Variants in HYAL1 observed in about 807,000 individuals in gnomAD.
The protein encoded by HYAL1 is hyaluronidase 1.
A neutral mutation model predicts 28.8 loss-of-function variants in HYAL1; 21 were observed. The observed-to-expected ratio is 0.73, with a 90% confidence interval of 0.52 to 1.05. HYAL1 has a LOEUF of 1.05. Ranked by LOEUF, HYAL1 falls within the 50% of genes least tolerant of loss-of-function variation. HYAL1 has a pLI of 0.00. For synonymous variants in HYAL1, 200 were observed against 230.1 expected (o/e 0.87, Z 1.18); for missense variants, 491 against 579.2 (o/e 0.85, Z 1.56).
At chr3:50,311,597 C>A (rs1327460610) in intron 1 of HYAL1, among the ~76,000 whole-genome samples, 1 of 130,610 alleles carries the variant, frequency 7.7e-6, no homozygotes, top group Non-Finnish European at 1.6e-5. Context: ...CCCTCCCGGA[C>A]GGGGCGGCTG....
intron 2 of HYAL1, among the ~76,000 whole-genome samples, chr3:50,301,299 T>G (rs1447777347): frequency 6.6e-6 from 1 of 152,220 alleles, no homozygotes; most frequent in African/African-American, 2.4e-5. Context: ...GCACAGAACT[T>G]GGCACCAAGT....
Position 50,311,986 on chromosome 3 carries a change from A to G in HYAL1, c.-310+278T>C, listed in dbSNP as rs587718432. On this transcript the variant is annotated intron_variant, in intron 1 of 5. Transcript: ENST00000320295. ...GGGCGGCCGGGCAGAGGCGCCCCTCATCTCCCGGACGGGGCGGCTGGCCGG... is the reference window on the plus strand; with the variant it reads ...GGGCGGCCGGGCAGAGGCGCCCCTCGTCTCCCGGACGGGGCGGCTGGCCGG... Among the ~76,000 whole-genome samples the G allele has an allele frequency of 9.6e-3, 1,247 of 129,754 alleles. 14 individuals carry two copies. Among genetic ancestry groups the G allele is most frequent in the Non-Finnish European group, 0.015 (925 of 62,444 alleles). The allele number at this position is 129,754 out of a possible 152,430, so 85.1% of individuals were successfully genotyped here. A position where few individuals can be genotyped will look rare whatever the true frequency, so the allele number is the denominator to read the frequency against.
Position 50,302,359 on chromosome 3 carries a change from C to T in HYAL1, c.598G>A (p.Gly200Ser). The T allele has an allele frequency of 1.9e-6, 3 of 1,613,788 alleles. No individual in the cohort carries two copies. The highest frequency in any genetic ancestry group is 2.5e-6 in the Non-Finnish European group (3 of 1,179,996). The change falls in exon 2 of 4, where the codon GGC (glycine) becomes AGC (serine). Residue 200 changes from glycine (G) to serine (S), a missense_variant. Gly to Ser is a moderately conservative substitution (Grantham distance 56). Transcript: ENST00000395144. The surrounding 1 kb of genome is among the most constrained non-coding windows in gnomAD (Gnocchi z 5.0). ...TAGCAGTCAGGGAAGCCATAGAAGC[C>T]CCAGAGGCCGCGAGGACGCAGTGCC... ...GRALRPRGLW[G>S]FYGFPDCYNY...
upstream of HYAL1, among the ~76,000 whole-genome samples, chr3:50,304,492 T>C (rs1553713727): frequency 6.7e-6 from 1 of 149,868 alleles, no homozygotes; most frequent in Non-Finnish European, 1.5e-5. Context: ...TCCCAGCTAC[T>C]TGGGACACTG....
Position 50,302,107 on chromosome 3 carries a change from GC to G in HYAL1, c.849del (p.Leu284CysfsTer39). ...TCATAGAAGATCTGGACATAGGGCA[GC>G]ACCGGCAGATTGGGGTCACCAGCAG... ...AVAAGDPNLP[V>X]LPYVQIFYDT... On this transcript the variant is annotated frameshift_variant, in exon 2 of 4. Coordinates refer to ENST00000395144, the MANE Select transcript of HYAL1 (RefSeq NM_033159.4). LOFTEE classifies it high-confidence loss of function. The surrounding 1 kb of genome is among the most constrained non-coding windows in gnomAD (Gnocchi z 5.0). 1 of 1,614,232 alleles carries G rather than the reference GC, an allele frequency of 6.2e-7. No homozygotes were observed. Among genetic ancestry groups the G allele is most frequent in the Non-Finnish European group, 8.5e-7 (1 of 1,180,036 alleles).
intron 1 of HYAL1, among the ~76,000 whole-genome samples, chr3:50,311,695 C>A (rs1186172751): frequency 1.1e-4 from 16 of 141,624 alleles, no homozygotes; most frequent in African/African-American, 3.7e-4. Context: ...CCCTCCCGGA[C>A]GGGGCGGCAG....
upstream of HYAL1, among the ~76,000 whole-genome samples, chr3:50,306,643 T>A (rs1440483181): frequency 2.0e-5 from 3 of 151,114 alleles, no homozygotes; most frequent in Non-Finnish European, 4.4e-5. Context: ...TCCCAACACT[T>A]TGGGAGGCCG....
intron 2 of HYAL1, 107 bp from the exon 3 acceptor site, chr3:50,301,184 G>A (rs1003761596): frequency 1.3e-6 from 1 of 746,842 alleles, no homozygotes; most frequent in Non-Finnish European, 2.2e-6. Flanking sequence ...ACCTGGGGCT[G>A]CTCTGGCCAT....
chr3:50,301,021 C>T lies in HYAL1; in HGVS notation c.957G>A (p.Val319=). Residue 319 remains valine, a synonymous_variant, in exon 3 of 4, where the codon GTG becomes GTA. Transcript: ENST00000395144. The part of the protein sequence containing the change: ...ESAAQGAAGV[V]LWVSWENTRT... ...TTGTATTTTCCCAGCTCACCCAGAGCACCACTCCAGCTGCCCCCTGGGCCG... is the reference window on the plus strand; with the variant it reads ...TTGTATTTTCCCAGCTCACCCAGAGTACCACTCCAGCTGCCCCCTGGGCCG... The T allele has an allele frequency of 1.2e-6, 2 of 1,607,754 alleles. No homozygotes were observed. Among genetic ancestry groups the T allele is most frequent in the Non-Finnish European group, 1.7e-6 (2 of 1,177,642 alleles).
chr3:50,306,235 T>C (rs1228089560), upstream of HYAL1, among the ~76,000 whole-genome samples: 1 of 149,916 alleles, frequency 6.7e-6, no homozygotes, highest in Non-Finnish European at 1.5e-5. Context: ...TTTTTTTTTT[T>C]TTTTTTTGGA....
intron 1 of HYAL1, among the ~76,000 whole-genome samples, chr3:50,310,090 C>T (rs1371894014): frequency 6.6e-6 from 1 of 151,342 alleles, no homozygotes; most frequent in Admixed American, 6.6e-5. Flanking sequence ...GAATGTTCAC[C>T]TGTTGTTAGA....
upstream of HYAL1, among the ~76,000 whole-genome samples, chr3:50,306,396 T>G (rs1437056626): frequency 6.6e-6 from 1 of 150,896 alleles, no homozygotes; most frequent in Non-Finnish European, 1.5e-5. Flanking sequence ...GTCTACAGCC[T>G]GAGACCCATC....
Position 50,301,034 on chromosome 3 carries a change from G to GC in HYAL1, c.943dup (p.Ala315GlyfsTer69), listed in dbSNP as rs1553712751. ...GCTCACCCAGAGCACCACTCCAGCT[G>GC]CCCCCTGGGCCGCACTCTCCCCCAG... is the stretch of plus-strand genomic sequence containing the variant. On this transcript the variant is annotated frameshift_variant, in exon 3 of 4. Coordinates refer to ENST00000395144, the MANE Select transcript of HYAL1 (RefSeq NM_033159.4). LOFTEE classifies it low-confidence loss of function (END_TRUNC). 3 of 1,601,834 alleles carry GC rather than the reference G, an allele frequency of 1.9e-6. No homozygotes were observed. The highest frequency in any genetic ancestry group is 1.7e-5 in the Admixed American group (1 of 57,950).
At chr3:50,307,365 A>AAAAAAAT (rs1353052838), upstream of HYAL1, among the ~76,000 whole-genome samples, 1 of 149,810 alleles carries the variant, frequency 6.7e-6, no homozygotes, top group Admixed American at 6.6e-5. Context: ...CAGTCTCAAG[A>AAAAAAAT]AAAAAATAAA....
upstream of HYAL1, among the ~76,000 whole-genome samples, chr3:50,307,516 T>A (rs587678945): frequency 2.0e-5 from 3 of 148,926 alleles, no homozygotes; most frequent in South Asian, 4.2e-4. Context: ...CTGTCTCTAC[T>A]AAAAATACAA....
intron 1 of HYAL1, chr3:50,303,185 CCAGGCCT>C (rs1193658023): frequency 1.6e-5 from 8 of 503,186 alleles, no homozygotes; most frequent in Non-Finnish European, 2.8e-5. Flanking sequence ...GCCTCTCAGA[CCAGGCCT>C]CTGCCATCTC....
chr3:50,305,639 G>A (rs188034124), upstream of HYAL1, among the ~76,000 whole-genome samples: 19 of 142,854 alleles, frequency 1.3e-4, no homozygotes, highest in Admixed American at 1.0e-3. Flanking sequence ...GGGTTCAAGC[G>A]ATTCTCCTGC....
At chr3:50,311,229 G>A (rs1312178410) in intron 1 of HYAL1, among the ~76,000 whole-genome samples, 14 of 121,798 alleles carry the variant, frequency 1.1e-4, no homozygotes, top group African/African-American at 3.3e-4. Context: ...CGGGCGGGGG[G>A]CTGACCCCCC....
At chr3:50,310,773 G>C (rs1249658124) in intron 1 of HYAL1, among the ~76,000 whole-genome samples, 2 of 150,364 alleles carry the variant, frequency 1.3e-5, no homozygotes, top group African/African-American at 4.9e-5. Context: ...GTGTCCCTGG[G>C]TACTTGAGAT....
Sources: gnomAD v4.1 joint callset for allele counts (sites outside exome capture counted in the v4.1 genomes callset) on GRCh38, gnomAD v4.1.1 for gene constraint, Gnocchi (gnomAD v3.1) non-coding constraint, MANE v1.5 for transcripts, NCBI Gene and HGNC (gene_info 2026-07-23, HGNC 2026-07-21) for gene names.